NGLY1: variants seen among roughly 807,000 people sequenced by gnomAD.
The protein encoded by NGLY1 is peptide-N(4)-(N-acetyl-beta-glucosaminyl)asparagine amidase.
In NGLY1, 68 loss-of-function variants were observed where a neutral mutation model predicts 84.6. The observed-to-expected ratio is 0.80, with a 90% CI of 0.66 to 0.98. NGLY1 has a LOEUF of 0.98. Among genes scored for constraint, NGLY1 ranks in the 50% least tolerant of loss-of-function variants. NGLY1 has a pLI of 0.00. For missense variants in NGLY1, 779 were observed against 770.2 expected, an observed-to-expected ratio of 1.01 and a Z score of -0.14; for synonymous variants, 280 against 275.2, an observed-to-expected ratio of 1.02 and a Z score of -0.17.
intron 4 of NGLY1, among the ~76,000 whole-genome samples, chr3:25,742,146 TA>T (rs1332865000): frequency 6.6e-6 from 1 of 152,238 alleles, no homozygotes; most frequent in Admixed American, 6.5e-5. Context: ...ACTTCTAGTA[TA>T]AATTGGAAGG....
chr3:25,728,330 T>A (rs1053236060), intron 10 of NGLY1, among the ~76,000 whole-genome samples: 1 of 152,168 alleles, frequency 6.6e-6, no homozygotes, highest in Non-Finnish European at 1.5e-5. Flanking sequence ...CTCACTTTTT[T>A]AATCTATCCA....
intron 2 of NGLY1, among the ~76,000 whole-genome samples, chr3:25,768,305 A>T (rs963590290): frequency 3.3e-5 from 5 of 151,608 alleles, no homozygotes; most frequent in Non-Finnish European, 5.9e-5. Context: ...GGACACCTGT[A>T]ATCCCAGTTA....
intron 3 of NGLY1, among the ~76,000 whole-genome samples, chr3:25,759,918 AC>A (rs367991748): frequency 0.72 from 98,908 of 137,948 alleles, 37,172 homozygotes; most frequent in East Asian, 0.94. Context: ...AGTTAAAAAA[AC>A]ACACACACAC....
chr3:25,774,085 G>A (rs375253324), intron 2 of NGLY1, among the ~76,000 whole-genome samples: 7 of 152,294 alleles, frequency 4.6e-5, no homozygotes, highest in African/African-American at 1.7e-4. Flanking sequence ...TGGTTTTCTC[G>A]AATTCCAGGT....
chr3:25,759,250 G>A (rs192904060), intron 3 of NGLY1, among the ~76,000 whole-genome samples: 288 of 151,864 alleles, frequency 1.9e-3, no homozygotes, highest in African/African-American at 6.6e-3. Context: ...TGTAGAGTTG[G>A]TGATGACAAG....
At chr3:25,754,454 G>C (rs1391171791) in intron 3 of NGLY1, among the ~76,000 whole-genome samples, 1 of 152,170 alleles carries the variant, frequency 6.6e-6, no homozygotes, top group African/African-American at 2.4e-5. Flanking sequence ...GAAAGCAGTG[G>C]AGAGATAAAG....
upstream of NGLY1, among the ~76,000 whole-genome samples, chr3:25,786,494 G>A (rs1254842150): frequency 2.6e-5 from 4 of 152,222 alleles, no homozygotes; most frequent in South Asian, 2.1e-4. Flanking sequence ...TTGAAACAAC[G>A]ATGGGTATAA....
At chr3:25,787,242 G>A (rs935468224), upstream of NGLY1, among the ~76,000 whole-genome samples, 7 of 152,120 alleles carry the variant, frequency 4.6e-5, no homozygotes, top group African/African-American at 1.7e-4. Flanking sequence ...TTGAGAAGGT[G>A]AGAAAGGAGA....
chr3:25,752,149 AAAAAGTTTC>A (rs1364148612), intron 3 of NGLY1, among the ~76,000 whole-genome samples: 3 of 152,226 alleles, frequency 2.0e-5, no homozygotes, highest in African/African-American at 7.2e-5. Context: ...AAAAAACTTT[AAAAAGTTTC>A]AATAGTACAC....
intron 4 of NGLY1, among the ~76,000 whole-genome samples, chr3:25,741,338 A>G (rs1052221284): frequency 5.3e-5 from 8 of 152,112 alleles, no homozygotes; most frequent in Admixed American, 4.6e-4. Context: ...AGAATTCTGA[A>G]AGACAGATTT....
chr3:25,755,379 G>A, intron 3 of NGLY1: 1 of 1,363,746 alleles, frequency 7.3e-7, no homozygotes, highest in Non-Finnish European at 1.1e-6. Context: ...GCTGTTAGTA[G>A]CAAACCTACC....
At chr3:25,739,857 A>G in intron 4 of NGLY1, 58 bp from the exon 5 acceptor site, 1 of 1,269,072 alleles carries the variant, frequency 7.9e-7, no homozygotes, top group Non-Finnish European at 1.1e-6. Flanking sequence ...TAAACTATCC[A>G]AACATATTTA....
rs1237231332 is a variant in NGLY1, at chr3:25,732,397, G to A, written c.1347C>T (p.Thr449=). The A allele has an allele frequency of 1.4e-5, 22 of 1,613,642 alleles. No homozygotes were observed. Among genetic ancestry groups the A allele is most frequent in the Admixed American group, 1.7e-5 (1 of 59,962 alleles). The stretch of plus-strand genomic sequence containing the variant: ...TTCCCCCAAGTTCTCCAGGTTTAGG[G>A]GTTTTGGGAGATATAAATTCAACAA... ...VELVEFISPK[T]PKPGELGGRI... Residue 449 remains threonine (T), a synonymous_variant, in exon 9 of 12, where the codon ACC becomes ACT. Coordinates refer to ENST00000280700, the MANE Select transcript of NGLY1 (RefSeq NM_018297.4).
At chr3:25,732,154 T>C (rs1297787488) in intron 9 of NGLY1, among the ~76,000 whole-genome samples, 165 bp downstream of exon 9, 1 of 152,196 alleles carries the variant, frequency 6.6e-6, no homozygotes, top group Non-Finnish European at 1.5e-5. Flanking sequence ...ACGATAATGC[T>C]ATGTAAATCA....
Position 25,732,324 on chromosome 3 carries a change from G to A in NGLY1, c.1420C>T (p.Leu474=). The change falls in exon 9 of 12, where the codon CTA becomes TTA. Residue 474 remains leucine, a synonymous_variant. Transcript: ENST00000280700. The part of the protein sequence containing the change: ...AWRVARGEMG[L]QRKETLFIPC... ...TGCTAGAATGAATTAAATACCTGTA[G>A]ACCCATTTCACCTCGGGCTACTCTC... 1 of 1,613,268 alleles carries A rather than the reference G, an allele frequency of 6.2e-7. No individual in the cohort carries two copies. Among genetic ancestry groups the A allele is most frequent in the Non-Finnish European group, 8.5e-7 (1 of 1,179,438 alleles).
At chr3:25,755,552 T>A (rs1706996500) in intron 3 of NGLY1, 2 of 1,420,840 alleles carry the variant, frequency 1.4e-6, no homozygotes, top group East Asian at 4.6e-5. Context: ...TTCCAACTAA[T>A]CCCTCAATGA....
chr3:25,781,529 TTCTTAAAC>T (rs1221645217), intron 1 of NGLY1, among the ~76,000 whole-genome samples: 1 of 152,130 alleles, frequency 6.6e-6, no homozygotes, highest in Non-Finnish European at 1.5e-5. Flanking sequence ...CACAAAGACT[TTCTTAAAC>T]TCTTAATTTC....
upstream of NGLY1, among the ~76,000 whole-genome samples, chr3:25,785,571 C>T (rs1042345004): frequency 2.3e-4 from 34 of 150,144 alleles, no homozygotes; most frequent in African/African-American, 7.4e-4. Context: ...TGGTGGCTCA[C>T]GCCTGTAATC....
intron 1 of NGLY1, among the ~76,000 whole-genome samples, chr3:25,789,054 T>C (rs957860687): frequency 3.9e-5 from 6 of 152,214 alleles, no homozygotes; most frequent in Non-Finnish European, 8.8e-5. Flanking sequence ...TCAACCATTT[T>C]TCTAAAGAAG....
Sources: allele counts gnomAD v4.1 joint callset (sites outside exome capture counted in the v4.1 genomes callset), GRCh38; gene constraint gnomAD v4.1.1; transcripts MANE v1.5; gene names NCBI Gene and HGNC (gene_info 2026-07-23, HGNC 2026-07-21).